Variants in PRXL2C observed in about 807,000 individuals in gnomAD.
PRXL2C encodes peroxiredoxin-like 2C.
In PRXL2C, 38 loss-of-function variants were observed where a neutral mutation model predicts 24.9. The ratio of observed to expected loss-of-function variants is 1.53; its 90% CI spans 1.18 to 2.00. PRXL2C has a LOEUF of 2.00. Among genes scored for constraint, PRXL2C ranks in the 30% most tolerant of loss-of-function variants. The pLI, the probability that PRXL2C is intolerant of heterozygous loss-of-function variation, is 0.00. For missense variants in PRXL2C, 294 were observed against 290.9 expected (o/e 1.01, Z -0.08); for synonymous variants, 98 against 117.2 (o/e 0.84, Z 1.06).
chr9:96,649,457 C>T lies in PRXL2C; in HGVS notation c.421+1933G>A, dbSNP rs139914828. On this transcript the variant is annotated intron_variant, in intron 4 of 5. Coordinates refer to ENST00000375234, the MANE Select transcript of PRXL2C (RefSeq NM_153698.2). ...TGCATGCCTGTAATCCCAGCTACCC[C>T]GGAGGCTGAGGCAGGAGAATCACTT... Among the ~76,000 whole-genome samples the T allele has an allele frequency of 1.1e-3, 153 of 134,364 alleles. 6 individuals carry two copies. Among genetic ancestry groups the T allele is most frequent in the Non-Finnish European group, 1.8e-3 (124 of 67,862 alleles). 88.1% of individuals were successfully genotyped at this position (134,364 alleles called of 152,430 possible). A position where few individuals can be genotyped will look rare whatever the true frequency, so the allele number is the denominator to read the frequency against.
At chr9:96,652,950 G>C (rs551881068) in intron 2 of PRXL2C, among the ~76,000 whole-genome samples, 14 of 152,130 alleles carry the variant, frequency 9.2e-5, no homozygotes, top group Non-Finnish European at 2.1e-4. Flanking sequence ...GGTATCGGCC[G>C]GGCGCGGTGG....
chr9:96,650,691 A>T (rs753462391), intron 4 of PRXL2C, among the ~76,000 whole-genome samples: 2 of 152,164 alleles, frequency 1.3e-5, no homozygotes, highest in South Asian at 2.1e-4. Flanking sequence ...TGAACTTAAT[A>T]CTACTTTCCG....
Position 96,641,520 on chromosome 9 carries a change from GTA to G in PRXL2C, c.*237_*238del, listed in dbSNP as rs1848114715. ...TTTATAGCTTTTAAAGTTATATTTT[GTA>G]TATTCATTTTTTTTGTATAAAATGT... On this transcript the variant is annotated 3_prime_UTR_variant, in exon 6 of 6. Transcript: ENST00000375234. 4 of 312,760 alleles carry G rather than the reference GTA, an allele frequency of 1.3e-5. No homozygotes were observed. Among genetic ancestry groups the G allele is most frequent in the Non-Finnish European group, 2.3e-5 (4 of 173,192 alleles). The allele number at this position is 312,760 out of a possible 1,614,324, so 19.4% of individuals were successfully genotyped here. A position where few individuals can be genotyped will look rare whatever the true frequency, so the allele number is the denominator to read the frequency against.
chr9:96,653,242 A>G (rs1588104062), intron 2 of PRXL2C, among the ~76,000 whole-genome samples: 1 of 143,428 alleles, frequency 7.0e-6, no homozygotes, highest in East Asian at 1.9e-4. Flanking sequence ...AAAAAAAAGA[A>G]GAAAAGAAAA....
At chr9:96,651,766 T>C (rs1020569057) in intron 2 of PRXL2C, 54 bp from the exon 3 acceptor site, 30 of 1,470,622 alleles carry the variant, frequency 2.0e-5, no homozygotes, top group Non-Finnish European at 2.8e-5. Flanking sequence ...GCATGTTTTA[T>C]ACAACATCCC....
chr9:96,644,564 C>A (rs553368523), intron 5 of PRXL2C, among the ~76,000 whole-genome samples: 1 of 152,232 alleles, frequency 6.6e-6, no homozygotes, highest in African/African-American at 2.4e-5. Flanking sequence ...GGGCTCACTG[C>A]AACCTCCGCC....
At chr9:96,646,235 G>T (rs1848200612) in intron 4 of PRXL2C, among the ~76,000 whole-genome samples, 1 of 152,066 alleles carries the variant, frequency 6.6e-6, no homozygotes, top group Non-Finnish European at 1.5e-5. Flanking sequence ...AAATACCAGT[G>T]GCACCGTTTA....
chr9:96,654,730 G>A lies in PRXL2C; in HGVS notation c.236C>T (p.Ala79Val). Residue 79 changes from alanine (A) to valine (V), a missense_variant, in exon 2 of 6, where the codon GCC becomes GTC. By Grantham distance (64) the Ala-to-Val change is moderately conservative. Coordinates refer to ENST00000375234, the MANE Select transcript of PRXL2C (RefSeq NM_153698.2). ...TTGTAAGAAACTCCTGGGGATTTTGGCCAGATCCTCTACGTATTCCTTGCA... is the reference window on the plus strand; with the variant it reads ...TTGTAAGAAACTCCTGGGGATTTTGACCAGATCCTCTACGTATTCCTTGCA... ...YICKEYVEDL[A>V]KIPRSFLQEA... 6.4e-7 allele frequency: 1 copy of A among 1,566,596 alleles called. No homozygotes were observed. The highest frequency in any genetic ancestry group is 8.7e-7 in the Non-Finnish European group (1 of 1,154,356).
At position 96,654,644 on chromosome 9, in the gene PRXL2C, C is replaced by T. The variant is rs1258840771; in HGVS notation, c.261+61G>A. ...GTTCCGCGCTGGAGCCGCGTCCTCC[C>T]CCGCCCCGCTCGCAAGGTCTGCAGA... On this transcript the variant is annotated intron_variant, in intron 2 of 5. Transcript: ENST00000375234. 3.3e-6 allele frequency: 5 copies of T among 1,499,726 alleles called. No individual in the cohort carries two copies. In the East Asian group the frequency reaches 7.5e-5, roughly 22 times the overall value. 92.9% of individuals were successfully genotyped at this position (1,499,726 alleles called of 1,614,324 possible). A position where few individuals can be genotyped will look rare whatever the true frequency, so the allele number is the denominator to read the frequency against.
In PRXL2C at chr9:96,654,623, C is replaced by G. The variant is rs1848322793; in HGVS notation, c.261+82G>C. Reference sequence around the variant, plus strand: ...GAGGGGCAATCCAGGCTGCAAGTTCCGCGCTGGAGCCGCGTCCTCCCCCGC... The same window carrying G: ...GAGGGGCAATCCAGGCTGCAAGTTCGGCGCTGGAGCCGCGTCCTCCCCCGC... On this transcript the variant is annotated intron_variant, in intron 2 of 5. Coordinates refer to ENST00000375234, the MANE Select transcript of PRXL2C (RefSeq NM_153698.2). 9 of 1,342,728 alleles carry G rather than the reference C, an allele frequency of 6.7e-6. No individual in the cohort carries two copies. The Admixed American group carries it at 1.2e-4, about 18-fold the overall frequency. The allele number at this position is 1,342,728 out of a possible 1,614,324, so 83.2% of individuals were successfully genotyped here. A position where few individuals can be genotyped will look rare whatever the true frequency, so the allele number is the denominator to read the frequency against.
At chr9:96,652,487 C>T (rs981934955) in intron 2 of PRXL2C, among the ~76,000 whole-genome samples, 3 of 149,854 alleles carry the variant, frequency 2.0e-5, no homozygotes, top group Non-Finnish European at 4.4e-5. Flanking sequence ...TGCCACTGCT[C>T]TCCAGCCTGG....
chr9:96,651,475 T>A lies in PRXL2C; in HGVS notation c.336A>T (p.Gly112=). Residue 112 remains glycine, a synonymous_variant, in exon 4 of 6, where the codon GGA becomes GGT. Transcript: ENST00000375234. ...HHIEPFCKLT[G]YSHEIYVDPE... ...GATCGACATAGATTTCATGAGAATA[T>A]CCAGTCAGCTTGCAAAAAGGCTGAA... The A allele has an allele frequency of 6.2e-7, 1 of 1,610,776 alleles. No individual in the cohort carries two copies.
chr9:96,650,943 A>C (rs543236281), intron 4 of PRXL2C, among the ~76,000 whole-genome samples: 1 of 152,310 alleles, frequency 6.6e-6, no homozygotes, highest in South Asian at 2.1e-4. Context: ...CATTACACCC[A>C]GAAAATGAAT....
chr9:96,641,800 G>A lies in PRXL2C; in HGVS notation c.640C>T (p.His214Tyr). 6.3e-7 allele frequency: 1 copy of A among 1,582,858 alleles called. No homozygotes were observed. Among genetic ancestry groups the A allele is most frequent in the Non-Finnish European group, 8.6e-7 (1 of 1,156,772 alleles). Residue 214 changes from histidine to tyrosine, a missense_variant, in exon 6 of 6, where the codon CAT (histidine) becomes TAT (tyrosine). By Grantham distance (83) the His-to-Tyr change is moderately conservative (BLOSUM62 2). Coordinates refer to ENST00000375234, the MANE Select transcript of PRXL2C (RefSeq NM_153698.2). Reference protein sequence around the residue: ...NSVLQLVGVQHVNFTNRPSVI... With the variant: ...NSVLQLVGVQYVNFTNRPSVI... ...GAAGGTCTGTTTGTAAAGTTCACAT[G>A]CTGAACTCCTACAAGCTGTAAAACA...
At chr9:96,645,063 C>T (rs1027519870) in intron 5 of PRXL2C, among the ~76,000 whole-genome samples, 1 of 151,254 alleles carries the variant, frequency 6.6e-6, no homozygotes, top group African/African-American at 2.4e-5. Context: ...CCCGCCACCA[C>T]GTCCGGCTAA....
Position 96,645,941 on chromosome 9 carries a change from A to C in PRXL2C, c.505T>G (p.Phe169Val). 3.7e-6 allele frequency: 6 copies of C among 1,613,614 alleles called. No homozygotes were observed. Among genetic ancestry groups the C allele is most frequent in the Non-Finnish European group, 4.2e-6 (5 of 1,179,916 alleles). ...WRAVTGPLFD[F>V]QGDPAQQGGT... ...CCTTGCTGAGCTGGGTCTCCTTGAA[A>C]ATCAAAGAGAGGGCCAGTCACTGCC... The change falls in exon 5 of 6, where the codon TTT becomes GTT. Residue 169 changes from phenylalanine to valine, a missense_variant. Physicochemically the swap from Phe to Val is conservative, Grantham distance 50. Coordinates refer to ENST00000375234, the MANE Select transcript of PRXL2C (RefSeq NM_153698.2).
chr9:96,645,199 G>C (rs373654532), intron 5 of PRXL2C, among the ~76,000 whole-genome samples: 1 of 151,354 alleles, frequency 6.6e-6, no homozygotes, highest in Non-Finnish European at 1.5e-5. Context: ...GTAAACCACC[G>C]CGCCCGGCTG....
intron 5 of PRXL2C, among the ~76,000 whole-genome samples, chr9:96,644,781 C>G (rs1848168046): frequency 6.7e-6 from 1 of 149,418 alleles, no homozygotes; most frequent in Non-Finnish European, 1.5e-5. Context: ...TGCCCGGCCT[C>G]AATCCCAATC....
chr9:96,653,086 C>T (rs1564410481), intron 2 of PRXL2C, among the ~76,000 whole-genome samples: 3 of 151,972 alleles, frequency 2.0e-5, no homozygotes, highest in Admixed American at 6.6e-5. Context: ...ATTAGCCGGG[C>T]GTGGTGGCGG....
Sources: allele counts gnomAD v4.1 joint callset (sites outside exome capture counted in the v4.1 genomes callset), GRCh38; gene constraint gnomAD v4.1.1; transcripts MANE v1.5; gene names NCBI Gene and HGNC (gene_info 2026-07-23, HGNC 2026-07-21).